The following RCAN1 variants were observed in gnomAD, a reference collection of about 807,000 sequenced individuals.
RCAN1 encodes the protein calcipressin-1.
In RCAN1, 11 loss-of-function variants were observed where a neutral mutation model predicts 22.9. The observed-to-expected ratio is 0.48, with a 90% CI of 0.30 to 0.79. The LOEUF is 0.79. Ranked by LOEUF, RCAN1 falls within the 30% of genes least tolerant of loss-of-function variation. The pLI is 0.06. For synonymous variants in RCAN1, 136 were observed against 142.3 expected, an observed-to-expected ratio of 0.96 and a Z score of 0.32; for missense variants, 291 against 337.8, an observed-to-expected ratio of 0.86 and a Z score of 1.09.
At chr21:34,606,773 G>T (rs9305554) in intron 1 of RCAN1, among the ~76,000 whole-genome samples, 91,434 of 151,900 alleles carry the variant, frequency 0.6, 27,979 homozygotes, top group East Asian at 0.67. Flanking sequence ...GAAAGACCAC[G>T]TAGGGACACA....
intron 1 of RCAN1, among the ~76,000 whole-genome samples, chr21:34,566,740 C>A (rs1984302): frequency 0.23 from 35,412 of 152,126 alleles, 5,093 homozygotes; most frequent in East Asian, 0.4. Context: ...CAAGCACGCA[C>A]CAGCTCTGCT....
chr21:34,518,325 A>G lies in RCAN1; in HGVS notation c.587-69T>C. 6.5e-7 allele frequency: 1 copy of G among 1,539,732 alleles called. No homozygotes were observed. Reference sequence around the variant, plus strand: ...GGGAGTCAAAAGGCAAACATAAAAGAGCATTCAGGGCTCTGCTGGGCCAGC... The same window carrying G: ...GGGAGTCAAAAGGCAAACATAAAAGGGCATTCAGGGCTCTGCTGGGCCAGC... On this transcript the variant is annotated intron_variant, in intron 3 of 3. Coordinates refer to ENST00000313806, the MANE Select transcript of RCAN1 (RefSeq NM_004414.7). The surrounding 1 kb of genome is among the most constrained non-coding windows in gnomAD (Gnocchi z 4.2).
intron 1 of RCAN1, among the ~76,000 whole-genome samples, chr21:34,590,296 C>T (rs753784699): frequency 6.6e-6 from 1 of 152,234 alleles, no homozygotes; most frequent in African/African-American, 2.4e-5. Flanking sequence ...AAAATAGTAT[C>T]TGTCTCTCCC....
chr21:34,523,759 G>T, intron 1 of RCAN1, 49 bp from the exon 2 acceptor site: 1 of 1,457,292 alleles, frequency 6.9e-7, no homozygotes, highest in South Asian at 1.2e-5. Context: ...ACCTGCATAT[G>T]ACCCTTGACT....
chr21:34,582,060 C>T (rs1014630927), intron 1 of RCAN1, among the ~76,000 whole-genome samples: 14 of 152,206 alleles, frequency 9.2e-5, no homozygotes, highest in African/African-American at 2.6e-4. Flanking sequence ...AAGTTTCTCC[C>T]GGGGGTTGCT....
chr21:34,525,070 A>G (rs2123586343), intron 1 of RCAN1: 1 of 1,550,494 alleles, frequency 6.4e-7, no homozygotes, highest in East Asian at 2.4e-5. Context: ...GGCAGCGCGG[A>G]CAGAGCTCAC....
At chr21:34,581,254 T>C (rs1437672213) in intron 1 of RCAN1, among the ~76,000 whole-genome samples, 1 of 152,078 alleles carries the variant, frequency 6.6e-6, no homozygotes, top group Non-Finnish European at 1.5e-5. Flanking sequence ...GTTTCTAGGG[T>C]CCAATCCCTA....
intron 1 of RCAN1, among the ~76,000 whole-genome samples, chr21:34,566,208 T>G (rs60816378): frequency 0.24 from 36,765 of 151,860 alleles, 5,184 homozygotes; most frequent in African/African-American, 0.39. Flanking sequence ...CCAGAGTGGA[T>G]TGCTTCTGGG....
intron 1 of RCAN1, among the ~76,000 whole-genome samples, chr21:34,569,764 C>T (rs1377670627): frequency 6.6e-6 from 1 of 152,264 alleles, no homozygotes; most frequent in Non-Finnish European, 1.5e-5. Flanking sequence ...AATTTCTTAT[C>T]TTGGCTCTGA....
chr21:34,528,992 A>G (rs2243982), intron 1 of RCAN1, among the ~76,000 whole-genome samples: 84,119 of 151,720 alleles, frequency 0.55, 24,480 homozygotes, highest in African/African-American at 0.75. Context: ...TTTGAAGATT[A>G]TTCAACTGTC....
Position 34,521,089 on chromosome 21 carries a change from T to C in RCAN1, c.586+410A>G, listed in dbSNP as rs187408392. On this transcript the variant is annotated intron_variant, in intron 3 of 3. Transcript: ENST00000313806. ...GTGAGAATCACAGGAAAGGGAGAAT[T>C]TATTTTGATTAAAAATAACATTTCT... 1,315 of 1,261,010 alleles carry C rather than the reference T, an allele frequency of 1.0e-3. 1 individual carries two copies. The highest frequency in any genetic ancestry group is 1.3e-3 in the Non-Finnish European group (1,263 of 1,004,840). 78.1% of individuals were successfully genotyped at this position (1,261,010 alleles called of 1,614,324 possible). A position where few individuals can be genotyped will look rare whatever the true frequency, so the allele number is the denominator to read the frequency against.
intron 1 of RCAN1, among the ~76,000 whole-genome samples, chr21:34,594,848 C>T (rs1028291426): frequency 2.0e-5 from 3 of 152,192 alleles, no homozygotes; most frequent in African/African-American, 4.8e-5. Context: ...CAAGCGCATA[C>T]CTCACAGGGA....
chr21:34,600,168 T>A (rs935612958), intron 1 of RCAN1, among the ~76,000 whole-genome samples: 8 of 152,210 alleles, frequency 5.3e-5, no homozygotes, highest in African/African-American at 1.9e-4. Context: ...GGTGGCATGC[T>A]GCTGCAGGGC....
At chr21:34,588,960 C>T (rs1490726242) in intron 1 of RCAN1, among the ~76,000 whole-genome samples, 1 of 152,162 alleles carries the variant, frequency 6.6e-6, no homozygotes, top group East Asian at 1.9e-4. Context: ...CTAAAGTAGT[C>T]AAATTCATAG....
chr21:34,519,871 A>G (rs1013966650), intron 3 of RCAN1, among the ~76,000 whole-genome samples: 2 of 152,142 alleles, frequency 1.3e-5, no homozygotes, highest in East Asian at 3.9e-4. Flanking sequence ...TCTTTTCTCT[A>G]TCACATGTGG....
chr21:34,609,918 G>A (rs1462315258), intron 1 of RCAN1, among the ~76,000 whole-genome samples: 5 of 152,214 alleles, frequency 3.3e-5, no homozygotes, highest in Admixed American at 1.3e-4. Context: ...TTTCAAAAAT[G>A]TACAACATTC....
chr21:34,603,219 G>GC (rs1288735105), intron 1 of RCAN1, among the ~76,000 whole-genome samples: 3 of 152,266 alleles, frequency 2.0e-5, no homozygotes, highest in South Asian at 2.1e-4. Context: ...TGAAGTTACT[G>GC]CCCCCCGGCG....
chr21:34,562,889 T>C (rs1601177058), intron 1 of RCAN1, among the ~76,000 whole-genome samples: 1 of 152,276 alleles, frequency 6.6e-6, no homozygotes, highest in Non-Finnish European at 1.5e-5. Context: ...TCAGAGATCC[T>C]ATTCATGTTG....
rs573274768 is a variant in RCAN1 at position 34,517,568 on chromosome 21, A to G, written c.*516T>C. On this transcript the variant is annotated 3_prime_UTR_variant, in exon 4 of 4. Coordinates refer to ENST00000313806, the MANE Select transcript of RCAN1 (RefSeq NM_004414.7). Reference sequence around the variant, plus strand: ...AAGGTTAGTCTTGTAAATCAGTAATATACATGCACAAACATGAGAACATGA... The same window carrying G: ...AAGGTTAGTCTTGTAAATCAGTAATGTACATGCACAAACATGAGAACATGA... 6.5e-6 allele frequency: 1 copy of G among 152,968 alleles called. No homozygotes were observed. The highest frequency in any genetic ancestry group is 1.5e-5 in the Non-Finnish European group (1 of 68,568). 9.5% of individuals were successfully genotyped at this position (152,968 alleles called of 1,614,324 possible). A position where few individuals can be genotyped will look rare whatever the true frequency, so the allele number is the denominator to read the frequency against.
Sources: allele counts gnomAD v4.1 joint callset (sites outside exome capture counted in the v4.1 genomes callset), GRCh38; gene constraint gnomAD v4.1.1; non-coding constraint Gnocchi (gnomAD v3.1); transcripts MANE v1.5; gene names NCBI Gene and HGNC (gene_info 2026-07-23, HGNC 2026-07-21).